PRLR: variants seen among roughly 807,000 people sequenced by gnomAD.
The protein encoded by PRLR is prolactin receptor, also known as hPRL receptor.
In PRLR, 13 loss-of-function variants were observed where a neutral mutation model predicts 40.2. The observed-to-expected ratio is 0.32, with a 90% CI of 0.21 to 0.51. PRLR has a LOEUF of 0.51. PRLR is among the 20% of genes least tolerant of loss of function. The pLI, the probability that PRLR is intolerant of heterozygous loss-of-function variation, is 0.97. For synonymous variants in PRLR, 269 were observed against 278.7 expected (o/e 0.97, Z 0.35); for missense variants, 656 against 747.3 (o/e 0.88, Z 1.42).
At chr5:35,141,506 A>G (rs139772172) in intron 1 of PRLR, among the ~76,000 whole-genome samples, 30 of 152,322 alleles carry the variant, frequency 2.0e-4, no homozygotes, top group African/African-American at 5.8e-4. Flanking sequence ...AGTTTGTCCA[A>G]AATCCCACAG....
intron 1 of PRLR, among the ~76,000 whole-genome samples, chr5:35,127,500 T>C (rs1222889876): frequency 8.5e-5 from 13 of 152,190 alleles, no homozygotes; most frequent in Non-Finnish European, 1.9e-4. Flanking sequence ...ATCTAAGATA[T>C]TAAGATCAGA....
chr5:35,222,608 G>C (rs1301793612), intron 1 of PRLR, among the ~76,000 whole-genome samples: 5 of 152,194 alleles, frequency 3.3e-5, no homozygotes, highest in Admixed American at 1.3e-4. Flanking sequence ...GATAATCACA[G>C]TGTTGGCAGC....
intron 1 of PRLR, among the ~76,000 whole-genome samples, chr5:35,119,382 T>TCACACACA (rs1285946969): frequency 3.1e-4 from 44 of 140,014 alleles, no homozygotes; most frequent in African/African-American, 1.1e-3. Flanking sequence ...TCTCTCTCTC[T>TCACACACA]CTCTCACACA....
rs115064726 is a variant in PRLR, at chr5:35,173,046, T to C, written c.-105-54924A>G. The stretch of plus-strand genomic sequence containing the variant: ...TTGCAATTGTTCTTAAGATGGTCTC[T>C]AGAAAAATTAGCCTTGAAAAACTTG... On this transcript the variant is annotated intron_variant, in intron 1 of 9. Transcript: ENST00000618457. 2.0e-3 allele frequency among the ~76,000 whole-genome samples: 301 copies of C among 152,300 alleles called. 2 individuals are homozygous for C. The highest frequency in any genetic ancestry group is 6.6e-3 in the African/African-American group (276 of 41,552).
At chr5:35,188,529 T>G (rs2112001162) in intron 1 of PRLR, among the ~76,000 whole-genome samples, 1 of 152,320 alleles carries the variant, frequency 6.6e-6, no homozygotes, top group Non-Finnish European at 1.5e-5. Context: ...TTAAAAGAAA[T>G]GGCAGTTGTT....
At chr5:35,159,249 G>A (rs1378021832) in intron 1 of PRLR, among the ~76,000 whole-genome samples, 1 of 150,382 alleles carries the variant, frequency 6.6e-6, no homozygotes, top group African/African-American at 2.5e-5. Flanking sequence ...GGCATCCTTC[G>A]GCCTTCTTTT....
chr5:35,187,264 C>T (rs920738076), intron 1 of PRLR, among the ~76,000 whole-genome samples: 9 of 151,810 alleles, frequency 5.9e-5, no homozygotes, highest in African/African-American at 2.2e-4. Context: ...AACCAGGCTT[C>T]ATGGTGCATG....
downstream of PRLR, among the ~76,000 whole-genome samples, chr5:35,053,410 T>C (rs1360270764): frequency 6.6e-6 from 1 of 152,214 alleles, no homozygotes; most frequent in Non-Finnish European, 1.5e-5. Flanking sequence ...CTCAGCACTT[T>C]GGGAGGCCGA....
In PRLR at chr5:35,058,328, C is replaced by G. The variant is rs1768836042; in HGVS notation, c.*6761G>C. 2 of 152,172 alleles carry G rather than the reference C, an allele frequency of 1.3e-5. No homozygotes were observed. 9.4% of individuals were successfully genotyped at this position (152,172 alleles called of 1,614,324 possible). A position where few individuals can be genotyped will look rare whatever the true frequency, so the allele number is the denominator to read the frequency against. On this transcript the variant is annotated 3_prime_UTR_variant, in exon 10 of 10. Coordinates refer to ENST00000618457, the MANE Select transcript of PRLR (RefSeq NM_000949.7). Reference sequence around the variant, plus strand: ...TGGCTTTACAGAAGACACAGTCACCCAACAGGCTGGTTCTAGATTGCTTTG... The same window carrying G: ...TGGCTTTACAGAAGACACAGTCACCGAACAGGCTGGTTCTAGATTGCTTTG...
At chr5:35,229,981 A>G (rs1776656357) in intron 1 of PRLR, among the ~76,000 whole-genome samples, 1 of 152,216 alleles carries the variant, frequency 6.6e-6, no homozygotes. Context: ...AGCCGAGTGC[A>G]GTTTGTAAAA....
At chr5:35,140,220 G>A (rs1773978061) in intron 1 of PRLR, among the ~76,000 whole-genome samples, 1 of 152,068 alleles carries the variant, frequency 6.6e-6, no homozygotes, top group South Asian at 2.1e-4. Context: ...TGATTATTGG[G>A]GTGGCTCCTT....
In PRLR at chr5:35,197,196, T is replaced by C. The variant is rs982746620; in HGVS notation, c.-106+33072A>G. 8.5e-5 allele frequency among the ~76,000 whole-genome samples: 13 copies of C among 152,294 alleles called. 1 individual carries two copies. In the South Asian group the frequency reaches 1.0e-3, roughly 12 times the overall value. ...GTTTAATCCAATTTGCCGAGGACCT[T>C]AGCTATGATGTGGAATCAAAAGTCA... On this transcript the variant is annotated intron_variant, in intron 1 of 9. Coordinates refer to ENST00000618457, the MANE Select transcript of PRLR (RefSeq NM_000949.7).
At chr5:35,081,733 T>C (rs1770530321) in intron 5 of PRLR, 1 of 152,784 alleles carries the variant, frequency 6.5e-6, no homozygotes, top group South Asian at 2.1e-4. Context: ...GCTTTCATTG[T>C]TTTACCTTCA....
At chr5:35,049,965 T>C (rs1768435108) in intron 8 of PRLR, among the ~76,000 whole-genome samples, 1 of 148,010 alleles carries the variant, frequency 6.8e-6, no homozygotes, top group Admixed American at 6.9e-5. Flanking sequence ...TGGAGTGCAA[T>C]GGCATGATCT....
intron 1 of PRLR, among the ~76,000 whole-genome samples, chr5:35,138,766 C>G (rs1773929937): frequency 6.6e-6 from 1 of 152,214 alleles, no homozygotes; most frequent in African/African-American, 2.4e-5. Flanking sequence ...TCAAAGGACA[C>G]TGTCACTGTT....
intron 1 of PRLR, among the ~76,000 whole-genome samples, chr5:35,164,817 C>T (rs746164598): frequency 3.9e-4 from 60 of 152,054 alleles, no homozygotes; most frequent in African/African-American, 1.1e-3. Context: ...AGGATGGTAG[C>T]GGTGGAACTG....
intron 1 of PRLR, among the ~76,000 whole-genome samples, chr5:35,185,461 G>C (rs1044251380): frequency 1.3e-5 from 2 of 151,898 alleles, no homozygotes; most frequent in Admixed American, 1.3e-4. Flanking sequence ...TGAGTTCCCT[G>C]AGGTTCTAGG....
chr5:35,166,256 A>G (rs1774822176), intron 1 of PRLR, among the ~76,000 whole-genome samples: 1 of 152,146 alleles, frequency 6.6e-6, no homozygotes, highest in African/African-American at 2.4e-5. Flanking sequence ...CTAGTGGTCA[A>G]TTCTAGATTG....
chr5:35,065,350 C>T lies in PRLR; in HGVS notation c.1608G>A (p.Lys536=). The change falls in exon 10 of 10, where the codon AAG becomes AAA. Residue 536 remains lysine (K), a synonymous_variant. Coordinates refer to ENST00000618457, the MANE Select transcript of PRLR (RefSeq NM_000949.7). ...CCTTATTGTTCTCAGGAGTCCCGGG[C>T]TTCTTGGGCTTGCCGCTGTTCTCTC... is the stretch of plus-strand genomic sequence containing the variant. ...KQRENSGKPK[K]PGTPENNKEY... is the part of the protein sequence containing the mutation. 3 of 1,614,158 alleles carry T rather than the reference C, an allele frequency of 1.9e-6. No individual in the cohort carries two copies. Among genetic ancestry groups the T allele is most frequent in the South Asian group, 1.1e-5 (1 of 91,070 alleles).
Sources: gnomAD v4.1 joint callset for allele counts (sites outside exome capture counted in the v4.1 genomes callset) on GRCh38, gnomAD v4.1.1 for gene constraint, MANE v1.5 for transcripts, NCBI Gene and HGNC (gene_info 2026-07-23, HGNC 2026-07-21) for gene names.